The following BACE1 variants were observed in gnomAD, a reference collection of about 807,000 sequenced individuals.
BACE1 encodes beta-secretase 1.
A neutral mutation model predicts 54.0 loss-of-function variants in BACE1; 21 were observed. That is an observed-to-expected ratio of 0.39 (90% CI 0.28 to 0.56). BACE1 has a LOEUF of 0.56. Ranked by LOEUF, BACE1 falls within the 20% of genes least tolerant of loss-of-function variation. The pLI is 0.63. For synonymous variants in BACE1, 232 were observed against 260.9 expected (o/e 0.89, Z 1.07); for missense variants, 511 against 661.2 (o/e 0.77, Z 2.49).
chr11:117,294,223 T>G, intron 3 of BACE1: 1 of 359,862 alleles, frequency 2.8e-6, no homozygotes, highest in Non-Finnish European at 4.9e-6. Context: ...ATAGATCTTT[T>G]TTTTTTTTTT....
intron 1 of BACE1, among the ~76,000 whole-genome samples, chr11:117,313,471 G>A (rs2035001233): frequency 6.6e-6 from 1 of 152,174 alleles, no homozygotes; most frequent in Non-Finnish European, 1.5e-5. Context: ...TTTTGCTCTT[G>A]TTGCCCAGGC....
rs1006615927 is a variant in BACE1 at position 117,315,391 on chromosome 11, G to A, written c.261+144C>T. On this transcript the variant is annotated intron_variant, in intron 1 of 8. Transcript: ENST00000313005. The surrounding 1 kb of genome is among the most constrained non-coding windows in gnomAD (Gnocchi z 5.5). ...TGGGAACACTTCTGCCAACAACCAC[G>A]TGACCCCCGGGGAATGGCTGGGGAG... 1.3e-5 allele frequency: 15 copies of A among 1,164,618 alleles called. No homozygotes were observed. The highest frequency in any genetic ancestry group is 1.7e-5 in the Non-Finnish European group (15 of 865,466). The allele number at this position is 1,164,618 out of a possible 1,614,324, so 72.1% of individuals were successfully genotyped here. A position where few individuals can be genotyped will look rare whatever the true frequency, so the allele number is the denominator to read the frequency against.
intron 1 of BACE1, among the ~76,000 whole-genome samples, chr11:117,304,887 A>G: frequency 6.6e-6 from 1 of 151,492 alleles, no homozygotes; most frequent in East Asian, 1.9e-4. Context: ...ATGCTCCGTA[A>G]TGATTTTTTT....
At chr11:117,292,785 C>T (rs922880099) in intron 5 of BACE1, 1 of 326,016 alleles carries the variant, frequency 3.1e-6, no homozygotes, top group South Asian at 4.6e-5. Flanking sequence ...TCACAAAAGA[C>T]TTGCCCAAGG....
chr11:117,288,453 GT>G lies in BACE1; in HGVS notation c.*1112del, dbSNP rs1188367072. On this transcript the variant is annotated 3_prime_UTR_variant, in exon 9 of 9. Transcript: ENST00000313005. ...ATAGGGCATCAGCTGTTGAATGAAT[GT>G]TCAACATTATGCTTTTAAGGATTAG... 1 of 152,634 alleles carries G rather than the reference GT, an allele frequency of 6.6e-6. No individual in the cohort carries two copies. Among genetic ancestry groups the G allele is most frequent in the Non-Finnish European group, 1.5e-5 (1 of 68,030 alleles). The allele number at this position is 152,634 out of a possible 1,614,324, so 9.5% of individuals were successfully genotyped here.
intron 1 of BACE1, among the ~76,000 whole-genome samples, chr11:117,307,041 G>A (rs2034846664): frequency 1.3e-5 from 2 of 152,056 alleles, no homozygotes; most frequent in African/African-American, 4.8e-5. Context: ...AATCCCCCCA[G>A]TTCTGCTGAT....
intron 1 of BACE1, among the ~76,000 whole-genome samples, chr11:117,307,949 T>C (rs1303167649): frequency 6.6e-6 from 1 of 152,108 alleles, no homozygotes; most frequent in East Asian, 1.9e-4. Context: ...GTTTTCAACC[T>C]TTTTATTGCA....
At chr11:117,309,182 T>C (rs2034894684) in intron 1 of BACE1, among the ~76,000 whole-genome samples, 1 of 152,188 alleles carries the variant, frequency 6.6e-6, no homozygotes, top group South Asian at 2.1e-4. Context: ...CCCCGTATCC[T>C]GAGATCCTTG....
chr11:117,306,922 G>A (rs2034844756), intron 1 of BACE1, among the ~76,000 whole-genome samples: 1 of 152,188 alleles, frequency 6.6e-6, no homozygotes, highest in Non-Finnish European at 1.5e-5. Flanking sequence ...CAGAGTGACA[G>A]CAGCTCAGGA....
intron 5 of BACE1, chr11:117,292,408 C>G (rs1244656649): frequency 1.3e-5 from 2 of 152,206 alleles, no homozygotes; most frequent in Middle Eastern, 3.4e-3. Context: ...TCTCGAATTT[C>G]TGACCTCAAA....
At chr11:117,303,584 A>G (rs1337769230) in intron 1 of BACE1, among the ~76,000 whole-genome samples, 1 of 152,184 alleles carries the variant, frequency 6.6e-6, no homozygotes, top group Non-Finnish European at 1.5e-5. Context: ...TCTGGATGAA[A>G]AACGCCTTCA....
chr11:117,313,498 G>A lies in BACE1; in HGVS notation c.261+2037C>T, dbSNP rs191812621. Among the ~76,000 whole-genome samples the A allele has an allele frequency of 1.3e-3, 202 of 152,234 alleles. 1 individual carries two copies. Among genetic ancestry groups the A allele is most frequent in the Admixed American group, 9.4e-3 (144 of 15,286 alleles). ...TGCCCAGGCTGGAGGGCAATGGTGC[G>A]ATCTTGTCTCACTGCAACCTCCGCC... On this transcript the variant is annotated intron_variant, in intron 1 of 8. Transcript: ENST00000313005.
chr11:117,295,509 G>T, intron 2 of BACE1, 162 bp from the exon 3 acceptor site: 2 of 1,536,408 alleles, frequency 1.3e-6, no homozygotes, highest in Non-Finnish European at 1.7e-6. Flanking sequence ...ACCCAGAACA[G>T]AGTGTAAAGT....
intron 8 of BACE1, 35 bp downstream of exon 8, chr11:117,290,453 G>A (rs1419565130): frequency 6.2e-7 from 1 of 1,606,004 alleles, no homozygotes; most frequent in African/African-American, 1.3e-5. Context: ...AATATGGAGA[G>A]ACTGACCCCA....
chr11:117,288,135 A>T lies in BACE1; in HGVS notation c.*1431T>A, dbSNP rs887009136. The T allele has an allele frequency of 6.6e-6, 1 of 152,546 alleles. No homozygotes were observed. The highest frequency in any genetic ancestry group is 2.4e-5 in the African/African-American group (1 of 41,446). 9.4% of individuals were successfully genotyped at this position (152,546 alleles called of 1,614,324 possible). On this transcript the variant is annotated 3_prime_UTR_variant, in exon 9 of 9. Transcript: ENST00000313005. Reference sequence around the variant, plus strand: ...TAGGAGCGGGGAGGGGAAGAACAGGATAGGGGAAAAAGATGACCTTCATCA... The same window carrying T: ...TAGGAGCGGGGAGGGGAAGAACAGGTTAGGGGAAAAAGATGACCTTCATCA...
intron 1 of BACE1, among the ~76,000 whole-genome samples, chr11:117,299,257 C>T (rs1192226005): frequency 1.3e-5 from 2 of 152,162 alleles, no homozygotes; most frequent in Admixed American, 6.6e-5. Context: ...AGTTGCATCT[C>T]GCCTCTTGCC....
At position 117,293,742 on chromosome 11, in the gene BACE1, A is replaced by G; in HGVS notation, c.705+129T>C. 2.1e-6 allele frequency: 2 copies of G among 935,648 alleles called. No individual in the cohort carries two copies. Among genetic ancestry groups the G allele is most frequent in the Non-Finnish European group, 3.0e-6 (2 of 658,724 alleles). The allele number at this position is 935,648 out of a possible 1,614,324, so 58.0% of individuals were successfully genotyped here. ...ATGGAAAAATAAAGTAAGGGTAGGG[A>G]ATATAAAGAGGTTCCTCCTGATTCT... On this transcript the variant is annotated intron_variant, in intron 4 of 8. Transcript: ENST00000313005. This position sits in a 1 kb window ranked among gnomAD's most constrained non-coding sequence, Gnocchi z 4.1.
At chr11:117,312,176 T>C (rs965922352) in intron 1 of BACE1, among the ~76,000 whole-genome samples, 13 of 152,104 alleles carry the variant, frequency 8.5e-5, no homozygotes, top group Admixed American at 8.5e-4. Flanking sequence ...TAAACAACCA[T>C]GCTTAAGCCC....
chr11:117,305,560 TGGCTGGGTCG>T (rs2034811716), intron 1 of BACE1, among the ~76,000 whole-genome samples: 1 of 151,608 alleles, frequency 6.6e-6, no homozygotes, highest in South Asian at 2.1e-4. Flanking sequence ...AGTCCCAATG[TGGCTGGGTCG>T]CCCCAAACCT....
Sources: allele counts gnomAD v4.1 joint callset (sites outside exome capture counted in the v4.1 genomes callset), GRCh38; gene constraint gnomAD v4.1.1; non-coding constraint Gnocchi (gnomAD v3.1); transcripts MANE v1.5; gene names NCBI Gene and HGNC (gene_info 2026-07-23, HGNC 2026-07-21).